Variants in TENM3 observed in about 807,000 individuals in gnomAD.
The protein encoded by TENM3 is teneurin-3.
TENM3 carries 63 observed loss-of-function variants against 255.1 expected under a neutral mutation model. That is an observed-to-expected ratio of 0.25 (90% CI 0.20 to 0.30). The LOEUF is 0.30. Ranked by LOEUF, TENM3 falls within the 10% of genes least tolerant of loss-of-function variation. TENM3 has a pLI of 1.00. For missense variants in TENM3, 2,929 were observed against 3,461.1 expected, an observed-to-expected ratio of 0.85 and a Z score of 3.86; for synonymous variants, 1,306 against 1,322.3, an observed-to-expected ratio of 0.99 and a Z score of 0.27.
the TENM3 span, among the ~76,000 whole-genome samples, chr4:181,691,307 T>C: frequency 1.3e-5 from 2 of 152,010 alleles, no homozygotes; most frequent in Non-Finnish European, 2.9e-5. Flanking sequence ...TATAAGTATA[T>C]GTATACACAA....
chr4:182,512,136 TTTTCTGTC>T (rs1737468074), intron 3 of TENM3, among the ~76,000 whole-genome samples: 1 of 152,172 alleles, frequency 6.6e-6, no homozygotes, highest in Non-Finnish European at 1.5e-5. Context: ...CAGAACCTAT[TTTTCTGTC>T]TTCCTTGATA....
the TENM3 span, among the ~76,000 whole-genome samples, chr4:182,046,261 C>A: frequency 1.3e-5 from 2 of 152,112 alleles, no homozygotes; most frequent in African/African-American, 4.8e-5. Context: ...TATTCTGTCA[C>A]TTTCTAATTC....
chr4:181,777,609 T>C, the TENM3 span, among the ~76,000 whole-genome samples: 1 of 152,138 alleles, frequency 6.6e-6, no homozygotes, highest in Non-Finnish European at 1.5e-5. Context: ...GTCAGCTCTC[T>C]TGATTTTAAA....
At chr4:182,204,932 C>T (rs1263337202) in intron 1 of TENM3, among the ~76,000 whole-genome samples, 1 of 152,232 alleles carries the variant, frequency 6.6e-6, no homozygotes, top group African/African-American at 2.4e-5. Flanking sequence ...ACAACTGAGT[C>T]TGCATTGTTC....
At chr4:181,773,327 G>T in the TENM3 span, among the ~76,000 whole-genome samples, 1 of 152,158 alleles carries the variant, frequency 6.6e-6, no homozygotes, top group South Asian at 2.1e-4. Context: ...CACGAAAGTT[G>T]TTGCTTTGTG....
At chr4:182,364,329 A>G in intron 3 of TENM3, among the ~76,000 whole-genome samples, 1 of 152,198 alleles carries the variant, frequency 6.6e-6, no homozygotes, top group East Asian at 1.9e-4. Flanking sequence ...TTTCTCTTTT[A>G]GGATTTACAC....
chr4:182,334,219 A>T (rs1265850634), intron 2 of TENM3, among the ~76,000 whole-genome samples: 1 of 152,200 alleles, frequency 6.6e-6, no homozygotes, highest in Non-Finnish European at 1.5e-5. Context: ...CTTTGGAATA[A>T]ATTTTGCAAG....
intron 1 of TENM3, among the ~76,000 whole-genome samples, chr4:182,214,966 T>G (rs1173761652): frequency 6.6e-6 from 1 of 152,198 alleles, no homozygotes; most frequent in Non-Finnish European, 1.5e-5. Flanking sequence ...CTAACACCCT[T>G]TAACAAAATC....
At chr4:182,084,912 C>G in the TENM3 span, 1 of 152,158 alleles carries the variant, frequency 6.6e-6, no homozygotes, top group Non-Finnish European at 1.5e-5. Context: ...AAGATAATAG[C>G]CTTCTTGAAG....
the TENM3 span, among the ~76,000 whole-genome samples, chr4:181,721,511 A>C: frequency 1.0e-5 from 1 of 96,476 alleles, no homozygotes; most frequent in Non-Finnish European, 2.0e-5. Flanking sequence ...GAGGCAGGAG[A>C]ATGGCGTGAA....
the TENM3 span, among the ~76,000 whole-genome samples, chr4:181,577,054 A>G: frequency 1.6e-5 from 2 of 121,258 alleles, no homozygotes; most frequent in East Asian, 4.2e-4. Flanking sequence ...ATATAATAAT[A>G]AATTATATAT....
chr4:182,474,489 G>T, intron 3 of TENM3, among the ~76,000 whole-genome samples: 1 of 152,106 alleles, frequency 6.6e-6, no homozygotes, highest in East Asian at 1.9e-4. Context: ...AGTATCCTTA[G>T]AGGCTAACAG....
chr4:182,256,188 A>G (rs1485480289), intron 1 of TENM3, among the ~76,000 whole-genome samples: 1 of 152,210 alleles, frequency 6.6e-6, no homozygotes, highest in African/African-American at 2.4e-5. Context: ...CTAAAGTTAT[A>G]AGAATAAAAT....
At chr4:181,553,471 T>C in the TENM3 span, among the ~76,000 whole-genome samples, 1 of 152,020 alleles carries the variant, frequency 6.6e-6, no homozygotes, top group Non-Finnish European at 1.5e-5. Context: ...AGGCGGAGTC[T>C]GGCTCTGTCG....
the TENM3 span, among the ~76,000 whole-genome samples, chr4:181,522,173 C>G: frequency 1.4e-5 from 2 of 145,056 alleles, no homozygotes; most frequent in Non-Finnish European, 3.0e-5. Flanking sequence ...AGGCTGGGTG[C>G]TATGTATAGA....
the TENM3 span, among the ~76,000 whole-genome samples, chr4:181,664,103 A>G: frequency 6.6e-6 from 1 of 152,132 alleles, no homozygotes; most frequent in South Asian, 2.1e-4. Context: ...ACCACATACT[A>G]GCTGAATGAT....
the TENM3 span, among the ~76,000 whole-genome samples, chr4:181,908,414 A>G: frequency 2.6e-5 from 4 of 152,202 alleles, no homozygotes; most frequent in African/African-American, 9.6e-5. Flanking sequence ...GCCCAACTAC[A>G]CTGTGCTCAT....
chr4:182,494,724 A>AT (rs1471541867), intron 3 of TENM3, among the ~76,000 whole-genome samples: 9 of 152,130 alleles, frequency 5.9e-5, no homozygotes, highest in East Asian at 1.9e-4. Flanking sequence ...AAGACCAGTC[A>AT]TTTTTTCCCT....
chr4:181,877,386 C>G, the TENM3 span, among the ~76,000 whole-genome samples: 4 of 152,152 alleles, frequency 2.6e-5, no homozygotes, highest in Non-Finnish European at 4.4e-5. Flanking sequence ...AATCCAATTA[C>G]AGCAGATGCC....
Sources: gnomAD v4.1 joint callset for allele counts (sites outside exome capture counted in the v4.1 genomes callset) on GRCh38, gnomAD v4.1.1 for gene constraint, MANE v1.5 for transcripts, NCBI Gene and HGNC (gene_info 2026-07-23, HGNC 2026-07-21) for gene names.